The following MIDEAS variants were observed in gnomAD, a reference collection of about 807,000 sequenced individuals.
The protein encoded by MIDEAS is mitotic deacetylase associated SANT domain protein.
Under a neutral mutation model 102.7 loss-of-function variants are expected in MIDEAS, and 26 were observed. The observed-to-expected ratio is 0.25, with a 90% CI of 0.19 to 0.35. The LOEUF (loss-of-function observed/expected upper bound fraction) is 0.35. Among genes scored for constraint, MIDEAS ranks in the 10% least tolerant of loss-of-function variants. The probability of loss-of-function intolerance (pLI) is 1.00; values close to 1 mark genes in which losing one functional copy is unlikely to be tolerated. For synonymous variants in MIDEAS, 585 were observed against 591.0 expected, an observed-to-expected ratio of 0.99 and a Z score of 0.15; for missense variants, 1,231 against 1,435.6, an observed-to-expected ratio of 0.86 and a Z score of 2.30.
intron 1 of MIDEAS, among the ~76,000 whole-genome samples, chr14:73,782,809 G>A (rs2053768636): frequency 6.6e-6 from 1 of 152,196 alleles, no homozygotes; most frequent in Non-Finnish European, 1.5e-5. Flanking sequence ...GGAAGATACT[G>A]ACAGTCAGGA....
chr14:73,747,746 G>T (rs2053371650), intron 1 of MIDEAS, among the ~76,000 whole-genome samples: 1 of 152,116 alleles, frequency 6.6e-6, no homozygotes, highest in South Asian at 2.1e-4. Context: ...TTCACAAGCA[G>T]CCAGGTGGTG....
chr14:73,730,329 G>T (rs1162242746), intron 3 of MIDEAS: 1 of 415,694 alleles, frequency 2.4e-6, no homozygotes, highest in African/African-American at 2.0e-5. Context: ...CCAGACCACA[G>T]TTCCCCACCT....
At chr14:73,737,413 C>G (rs2053217256) in intron 2 of MIDEAS, 116 bp from the exon 3 acceptor site, 2 of 1,205,048 alleles carry the variant, frequency 1.7e-6, no homozygotes, top group Non-Finnish European at 2.3e-6. Flanking sequence ...CACTTGACGC[C>G]ACAAGTTCAA....
intron 3 of MIDEAS, among the ~76,000 whole-genome samples, chr14:73,735,486 AGCCACTGT>A (rs149774282): frequency 0.046 from 7,006 of 152,286 alleles, 542 homozygotes; most frequent in African/African-American, 0.16. Context: ...TACAGATGTG[AGCCACTGT>A]GCCCAGACTT....
rs1595265394 is a variant in MIDEAS at position 73,736,657 on chromosome 14, C to A, written c.1749+341G>T. The stretch of plus-strand genomic sequence containing the variant: ...GAAAAAAAAAAAAAGATGTCAAGAT[C>A]TCAGTAGTGACAGTACAAGCAAACA... On this transcript the variant is annotated intron_variant, in intron 3 of 12. Transcript: ENST00000423556. 1.3e-5 allele frequency among the ~76,000 whole-genome samples: 2 copies of A among 150,672 alleles called. 1 individual carries two copies. Among genetic ancestry groups the A allele is most frequent in the Middle Eastern group, 6.9e-3 (2 of 290 alleles).
intron 1 of MIDEAS, among the ~76,000 whole-genome samples, chr14:73,765,754 C>CA (rs1202093427): frequency 6.6e-6 from 1 of 152,188 alleles, no homozygotes; most frequent in Non-Finnish European, 1.5e-5. Context: ...CATTATCCCA[C>CA]ACCCAGATCT....
chr14:73,734,351 T>C (rs899886901), intron 3 of MIDEAS, among the ~76,000 whole-genome samples: 2 of 152,208 alleles, frequency 1.3e-5, no homozygotes, highest in Admixed American at 6.5e-5. Flanking sequence ...TCATTAGGCA[T>C]TCACTATACA....
rs559267515 is a variant in MIDEAS, at chr14:73,736,791, A to G, written c.1749+207T>C. On this transcript the variant is annotated intron_variant, in intron 3 of 12. Transcript: ENST00000423556. ...CTAGGCAGTTTCAATTTCAAGTATA[A>G]AACTGTCTCATCCCCCATTAGGAGG... 4.6e-5 allele frequency among the ~76,000 whole-genome samples: 7 copies of G among 152,164 alleles called. No individual in the cohort carries two copies. The South Asian group carries it at 1.5e-3, about 32-fold the overall frequency.
chr14:73,737,442 A>G, intron 2 of MIDEAS, 145 bp from the exon 3 acceptor site: 1 of 897,586 alleles, frequency 1.1e-6, no homozygotes, highest in South Asian at 1.7e-5. Flanking sequence ...TGGGCAACAT[A>G]GTGACACCTC....
chr14:73,780,888 C>T (rs2053748855), intron 1 of MIDEAS, among the ~76,000 whole-genome samples: 1 of 152,152 alleles, frequency 6.6e-6, no homozygotes, highest in African/African-American at 2.4e-5. Flanking sequence ...ATTAAATACG[C>T]ATCCCACTCT....
intron 3 of MIDEAS, among the ~76,000 whole-genome samples, chr14:73,731,178 A>G (rs1442874275): frequency 6.6e-6 from 1 of 152,220 alleles, no homozygotes. Flanking sequence ...CTCGATTCCT[A>G]TAATCTCAAA....
At chr14:73,769,355 A>G (rs2053621364) in intron 1 of MIDEAS, among the ~76,000 whole-genome samples, 2 of 152,256 alleles carry the variant, frequency 1.3e-5, no homozygotes, top group South Asian at 4.1e-4. Context: ...GGTTTGACAC[A>G]TGAGGAAACA....
intron 1 of MIDEAS, among the ~76,000 whole-genome samples, chr14:73,785,294 T>C (rs919685531): frequency 6.6e-6 from 1 of 152,240 alleles, no homozygotes; most frequent in Non-Finnish European, 1.5e-5. Context: ...AGACACTGTT[T>C]GCCTTCTTTC....
chr14:73,776,856 A>G (rs2053693393), intron 1 of MIDEAS, among the ~76,000 whole-genome samples: 2 of 151,948 alleles, frequency 1.3e-5, no homozygotes, highest in African/African-American at 4.8e-5. Context: ...GTGGATCACA[A>G]GGTCAGGAGT....
intron 1 of MIDEAS, among the ~76,000 whole-genome samples, chr14:73,768,730 C>G (rs7156075): frequency 0.38 from 57,713 of 152,014 alleles, 11,558 homozygotes; most frequent in East Asian, 0.67. Context: ...AGGTGATCTG[C>G]CAGTGTCAGC....
chr14:73,755,650 C>T (rs1055264002), intron 1 of MIDEAS, among the ~76,000 whole-genome samples: 1 of 152,234 alleles, frequency 6.6e-6, no homozygotes, highest in South Asian at 2.1e-4. Flanking sequence ...CCTCAACCCT[C>T]GGCTGCAGGG....
At chr14:73,721,159 C>T in intron 11 of MIDEAS, 138 bp downstream of exon 11, 1 of 798,950 alleles carries the variant, frequency 1.3e-6, no homozygotes, top group Non-Finnish European at 2.0e-6. Flanking sequence ...AATGAGTTAA[C>T]AGCACAAAGT....
chr14:73,785,171 T>C (rs561726373), intron 1 of MIDEAS, among the ~76,000 whole-genome samples: 5 of 152,364 alleles, frequency 3.3e-5, no homozygotes, highest in African/African-American at 1.2e-4. Flanking sequence ...CAGGGAGTTA[T>C]CAGGTTGAGA....
intron 1 of MIDEAS, among the ~76,000 whole-genome samples, chr14:73,774,503 G>A (rs990620045): frequency 4.6e-5 from 7 of 151,894 alleles, no homozygotes; most frequent in South Asian, 2.1e-4. Flanking sequence ...CATGAGAAAC[G>A]AAAGGATCCT....
Sources: gnomAD v4.1 joint callset for allele counts (sites outside exome capture counted in the v4.1 genomes callset) on GRCh38, gnomAD v4.1.1 for gene constraint, MANE v1.5 for transcripts, NCBI Gene and HGNC (gene_info 2026-07-23, HGNC 2026-07-21) for gene names.